CASQ2: variants seen among roughly 807,000 people sequenced by gnomAD.
CASQ2 encodes calsequestrin 2.
CASQ2 carries 49 observed loss-of-function variants against 46.5 expected under a neutral mutation model. The observed-to-expected ratio is 1.05, with a 90% confidence interval of 0.84 to 1.34. The LOEUF is 1.34. CASQ2 is among the 40% of genes most tolerant of loss of function. The probability of loss-of-function intolerance (pLI) is 0.00; values close to 1 mark genes in which losing one functional copy is unlikely to be tolerated. For synonymous variants in CASQ2, 174 were observed against 168.5 expected (o/e 1.03, Z -0.25); for missense variants, 486 against 481.3 (o/e 1.01, Z -0.09).
chr1:115,754,869 C>T (rs1171151975), intron 1 of CASQ2, among the ~76,000 whole-genome samples: 1 of 152,216 alleles, frequency 6.6e-6, no homozygotes, highest in African/African-American at 2.4e-5. Context: ...GGGCAAACCC[C>T]ACTACACTAA....
chr1:115,738,083 G>C (rs1244737125), intron 4 of CASQ2, 141 bp downstream of exon 4: 2 of 731,642 alleles, frequency 2.7e-6, no homozygotes, highest in East Asian at 2.6e-5. Context: ...ACTCCACTGT[G>C]TTAGGCTCAG....
chr1:115,727,987 G>C (rs1647652654), intron 5 of CASQ2, among the ~76,000 whole-genome samples: 1 of 152,204 alleles, frequency 6.6e-6, no homozygotes, highest in South Asian at 2.1e-4. Flanking sequence ...AATGATTTCA[G>C]AGGCCTGGAA....
intron 7 of CASQ2, among the ~76,000 whole-genome samples, chr1:115,719,679 T>A (rs1647300605): frequency 6.6e-6 from 1 of 152,062 alleles, no homozygotes; most frequent in African/African-American, 2.4e-5. Context: ...TTTCAAGTAA[T>A]AAACTCACAG....
chr1:115,704,656 A>G (rs1336905525), intron 9 of CASQ2, among the ~76,000 whole-genome samples: 2 of 152,204 alleles, frequency 1.3e-5, no homozygotes, highest in Non-Finnish European at 2.9e-5. Context: ...GCCATTGATC[A>G]TGCACACTAG....
chr1:115,736,381 A>G (rs1222779585), intron 4 of CASQ2, among the ~76,000 whole-genome samples: 1 of 151,984 alleles, frequency 6.6e-6, no homozygotes, highest in African/African-American at 2.4e-5. Context: ...TCATGCCTGT[A>G]ATCCAAGCAC....
At chr1:115,721,528 G>A (rs979665442) in intron 7 of CASQ2, among the ~76,000 whole-genome samples, 1 of 152,058 alleles carries the variant, frequency 6.6e-6, no homozygotes, top group South Asian at 2.1e-4. Flanking sequence ...ATTTCTCAAT[G>A]TCTCGGGAAG....
chr1:115,719,564 G>A (rs1279510000), intron 7 of CASQ2, among the ~76,000 whole-genome samples: 2 of 152,234 alleles, frequency 1.3e-5, no homozygotes, highest in Admixed American at 6.5e-5. Context: ...AGGGAGCACT[G>A]TCACCAAGGG....
Position 115,740,831 on chromosome 1 carries a change from G to C in CASQ2, c.320-3C>G. On this transcript the variant is annotated splice_polypyrimidine_tract_variant and splice_region_variant and intron_variant, in intron 2 of 10. Transcript: ENST00000261448. ...CAGGCTTCCTTCTTCATCAAAACCTGTAAGAAACAAAGAGGCCCACAGAGA... is the reference window on the plus strand; with the variant it reads ...CAGGCTTCCTTCTTCATCAAAACCTCTAAGAAACAAAGAGGCCCACAGAGA... 1 of 1,599,016 alleles carries C rather than the reference G, an allele frequency of 6.3e-7. No individual in the cohort carries two copies. Among genetic ancestry groups the C allele is most frequent in the Non-Finnish European group, 8.6e-7 (1 of 1,166,482 alleles).
At chr1:115,706,663 T>G (rs550767714) in intron 8 of CASQ2, among the ~76,000 whole-genome samples, 3 of 152,374 alleles carry the variant, frequency 2.0e-5, no homozygotes, top group African/African-American at 7.2e-5. Flanking sequence ...TTGAAATTTA[T>G]ACGTTGAATA....
At chr1:115,747,895 C>T (rs1000624222) in intron 1 of CASQ2, among the ~76,000 whole-genome samples, 3 of 152,132 alleles carry the variant, frequency 2.0e-5, no homozygotes, top group Admixed American at 2.0e-4. Context: ...AATTTTGTCA[C>T]CTGCTAATAA....
chr1:115,744,622 T>C (rs970577387), intron 2 of CASQ2, among the ~76,000 whole-genome samples: 7 of 152,208 alleles, frequency 4.6e-5, no homozygotes, highest in African/African-American at 1.2e-4. Context: ...CAACAATCTC[T>C]TACATGATTA....
At chr1:115,766,527 T>C (rs935600508) in intron 1 of CASQ2, among the ~76,000 whole-genome samples, 4 of 152,226 alleles carry the variant, frequency 2.6e-5, no homozygotes, top group Non-Finnish European at 5.9e-5. Flanking sequence ...TTTTTCCATA[T>C]TTATAGATAA....
intron 3 of CASQ2, 146 bp downstream of exon 3, chr1:115,740,582 A>G (rs946930736): frequency 3.0e-6 from 2 of 666,560 alleles, no homozygotes; most frequent in Non-Finnish European, 5.4e-6. Context: ...GCAATAATAT[A>G]GGTGCTCCTT....
chr1:115,714,564 T>A (rs60751157), intron 8 of CASQ2, among the ~76,000 whole-genome samples: 8,676 of 152,220 alleles, frequency 0.057, 320 homozygotes, highest in Middle Eastern at 0.1. Flanking sequence ...GGTGTTTGGT[T>A]GGGGTGAAAG....
chr1:115,724,945 A>G (rs1006630986), intron 7 of CASQ2, among the ~76,000 whole-genome samples: 1 of 152,236 alleles, frequency 6.6e-6, no homozygotes, highest in Non-Finnish European at 1.5e-5. Flanking sequence ...AACAGAAGCT[A>G]TAGTCACTGC....
chr1:115,704,947 T>C (rs139743146), intron 9 of CASQ2, among the ~76,000 whole-genome samples: 3 of 152,298 alleles, frequency 2.0e-5, no homozygotes, highest in East Asian at 3.9e-4. Context: ...CCTGCTCACT[T>C]GGGTGGGACC....
intron 8 of CASQ2, among the ~76,000 whole-genome samples, chr1:115,712,818 T>A (rs1432212306): frequency 1.9e-4 from 27 of 142,234 alleles, no homozygotes; most frequent in Non-Finnish European, 3.3e-4. Flanking sequence ...ATGGTGCCAC[T>A]GCACTCCAGC....
intron 2 of CASQ2, among the ~76,000 whole-genome samples, chr1:115,742,387 A>G (rs959786471): frequency 6.6e-6 from 1 of 152,142 alleles, no homozygotes; most frequent in African/African-American, 2.4e-5. Context: ...CAGTAAGAAG[A>G]CTACTGCAAT....
At chr1:115,731,731 CACTT>C (rs2101084554) in intron 5 of CASQ2, among the ~76,000 whole-genome samples, 2 of 152,236 alleles carry the variant, frequency 1.3e-5, no homozygotes, top group South Asian at 4.1e-4. Context: ...ATGAAAAAAT[CACTT>C]AATCTTTCAG....
Sources: gnomAD v4.1 joint callset for allele counts (sites outside exome capture counted in the v4.1 genomes callset) on GRCh38, gnomAD v4.1.1 for gene constraint, MANE v1.5 for transcripts, NCBI Gene and HGNC (gene_info 2026-07-23, HGNC 2026-07-21) for gene names.